Variants in CBFB observed in about 807,000 individuals in gnomAD.
CBFB encodes CBF-beta.
CBFB carries 9 observed loss-of-function variants against 30.4 expected under a neutral mutation model. The ratio of observed to expected loss-of-function variants is 0.30; its 90% CI spans 0.18 to 0.52. CBFB has a LOEUF of 0.52. Ranked by LOEUF, CBFB falls within the 20% of genes least tolerant of loss-of-function variation. CBFB has a pLI of 0.97. For synonymous variants in CBFB, 94 were observed against 84.0 expected (o/e 1.12, Z -0.65); for missense variants, 170 against 244.0 (o/e 0.70, Z 2.02).
chr16:67,064,333 A>T (rs1346721536), intron 3 of CBFB, among the ~76,000 whole-genome samples: 1 of 152,096 alleles, frequency 6.6e-6, no homozygotes, highest in Non-Finnish European at 1.5e-5. Flanking sequence ...CAGCCTCCCA[A>T]GTACCTGGGA....
rs1174524008 is a variant in CBFB, at chr16:67,048,478, A to C, written c.282+11723A>C. On this transcript the variant is annotated intron_variant, in intron 3 of 5. Transcript: ENST00000412916. ...AAAGCTATTTATAAAATATTAAAATAAGATATTACATGAAGTTAAAAATTG... is the reference window on the plus strand; with the variant it reads ...AAAGCTATTTATAAAATATTAAAATCAGATATTACATGAAGTTAAAAATTG... Among the ~76,000 whole-genome samples the C allele has an allele frequency of 2.0e-5, 3 of 152,068 alleles. No individual in the cohort carries two copies. In the East Asian group the frequency reaches 5.8e-4, roughly 29 times the overall value.
chr16:67,040,895 C>T (rs1459246657), intron 3 of CBFB, among the ~76,000 whole-genome samples: 1 of 152,038 alleles, frequency 6.6e-6, no homozygotes, highest in African/African-American at 2.4e-5. Flanking sequence ...AGAGATGTTC[C>T]GGACAAAGGA....
Position 67,100,200 on chromosome 16 carries a change from CATT to C in CBFB, c.*1426_*1428del, listed in dbSNP as rs1423042826. 4.7e-6 allele frequency: 1 copy of C among 212,432 alleles called. No individual in the cohort carries two copies. Among genetic ancestry groups the C allele is most frequent in the African/African-American group, 2.3e-5 (1 of 44,130 alleles). 13.2% of individuals were successfully genotyped at this position (212,432 alleles called of 1,614,324 possible). The stretch of plus-strand genomic sequence containing the variant: ...AAAAATGTATTTTATCATTAAATGG[CATT>C]ATTTTAAAGGGTGAAAAACTGACAC... On this transcript the variant is annotated 3_prime_UTR_variant, in exon 6 of 6. Transcript: ENST00000412916.
chr16:67,083,660 A>G (rs1961634024), intron 5 of CBFB, among the ~76,000 whole-genome samples: 1 of 151,964 alleles, frequency 6.6e-6, no homozygotes, highest in African/African-American at 2.4e-5. Context: ...CACCCATTGA[A>G]GTTTAGTCTT....
At chr16:67,039,650 T>C (rs553996017) in intron 3 of CBFB, among the ~76,000 whole-genome samples, 1 of 151,498 alleles carries the variant, frequency 6.6e-6, no homozygotes, top group Non-Finnish European at 1.5e-5. Context: ...TTTAATTCTA[T>C]TAGGAAGAGT....
At chr16:67,078,125 A>G (rs1366740548) in intron 4 of CBFB, among the ~76,000 whole-genome samples, 1 of 152,196 alleles carries the variant, frequency 6.6e-6, no homozygotes, top group African/African-American at 2.4e-5. Context: ...CTGTCCTTGA[A>G]AGGGAGGTGT....
At position 67,054,930 on chromosome 16, in the gene CBFB, A is replaced by ATT. The variant is rs751572190; in HGVS notation, c.283-11736_283-11735dup. Reference sequence around the variant, plus strand: ...CCACCACGCCTGGCTAATTTTTTGTATTTTTTTTTTTTTTTTTAGTAGAGA... The same window carrying ATT: ...CCACCACGCCTGGCTAATTTTTTGTATTTTTTTTTTTTTTTTTTTAGTAGAGA... On this transcript the variant is annotated intron_variant, in intron 3 of 5. Coordinates refer to ENST00000412916, the MANE Select transcript of CBFB (RefSeq NM_022845.3). Among the ~76,000 whole-genome samples the ATT allele has an allele frequency of 7.7e-4, 94 of 122,744 alleles. 1 individual carries two copies. Among genetic ancestry groups the ATT allele is most frequent in the African/African-American group, 1.9e-3 (70 of 35,902 alleles). 80.5% of individuals were successfully genotyped at this position (122,744 alleles called of 152,430 possible). A position where few individuals can be genotyped will look rare whatever the true frequency, so the allele number is the denominator to read the frequency against.
chr16:67,092,824 T>C lies in CBFB; in HGVS notation c.496-5886T>C, dbSNP rs1489556045. 2.0e-5 allele frequency among the ~76,000 whole-genome samples: 3 copies of C among 147,810 alleles called. No individual in the cohort carries two copies. In the East Asian group the frequency reaches 6.4e-4, roughly 32 times the overall value. On this transcript the variant is annotated intron_variant, in intron 5 of 5. Coordinates refer to ENST00000412916, the MANE Select transcript of CBFB (RefSeq NM_022845.3). The stretch of plus-strand genomic sequence containing the variant: ...GCCTCCTGGGTTCAGGCGATTCTCC[T>C]GCCTCAGCCTCCCGAGTAGCTGGGA...
At chr16:67,078,303 T>G (rs1206318162) in intron 4 of CBFB, among the ~76,000 whole-genome samples, 1 of 152,136 alleles carries the variant, frequency 6.6e-6, no homozygotes, top group Non-Finnish European at 1.5e-5. Flanking sequence ...ATCCCAGCAC[T>G]TTGGGAGGTT....
At chr16:67,092,816 G>A (rs191787258) in intron 5 of CBFB, among the ~76,000 whole-genome samples, 46 of 143,584 alleles carry the variant, frequency 3.2e-4, no homozygotes, top group African/African-American at 9.9e-4. Flanking sequence ...GGGTTCAGGC[G>A]ATTCTCCTGC....
At chr16:67,071,587 G>A (rs1467522386) in intron 4 of CBFB, among the ~76,000 whole-genome samples, 1 of 152,154 alleles carries the variant, frequency 6.6e-6, no homozygotes, top group Admixed American at 6.5e-5. Context: ...TCCATTTATG[G>A]TATTTTAGTA....
intron 3 of CBFB, among the ~76,000 whole-genome samples, chr16:67,047,689 A>AT (rs539196435): frequency 6.7e-4 from 101 of 150,178 alleles, no homozygotes; most frequent in Non-Finnish European, 1.2e-3. Flanking sequence ...AACCCTTTAA[A>AT]TTTTTTTTTT....
At chr16:67,093,378 T>TG (rs1323806897) in intron 5 of CBFB, 1 of 147,774 alleles carries the variant, frequency 6.8e-6, no homozygotes, top group Non-Finnish European at 1.5e-5. Flanking sequence ...GTTTTTTTTT[T>TG]TTTTTTTTTT....
At chr16:67,063,900 C>T (rs1404862223) in intron 3 of CBFB, among the ~76,000 whole-genome samples, 1 of 152,076 alleles carries the variant, frequency 6.6e-6, no homozygotes, top group Non-Finnish European at 1.5e-5. Flanking sequence ...AAAGATGCTT[C>T]CAGCTTTTTC....
chr16:67,034,687 C>G (rs1457008078), intron 2 of CBFB, among the ~76,000 whole-genome samples: 3 of 152,130 alleles, frequency 2.0e-5, no homozygotes, highest in Non-Finnish European at 4.4e-5. Context: ...AGTGTCTTAG[C>G]ACAGAACTGA....
chr16:67,069,428 A>AC (rs1425009526), intron 4 of CBFB, among the ~76,000 whole-genome samples: 1 of 152,146 alleles, frequency 6.6e-6, no homozygotes, highest in African/African-American at 2.4e-5. Context: ...AAGTTCACAG[A>AC]CTAAATGGTA....
In CBFB at chr16:67,029,719, C is replaced by T. The variant is rs760910805; in HGVS notation, c.79-8C>T. On this transcript the variant is annotated splice_polypyrimidine_tract_variant and splice_region_variant and intron_variant, in intron 1 of 5. Transcript: ENST00000412916. The stretch of plus-strand genomic sequence containing the variant: ...TGGCTCCTGATTTCGGGCCGTCTTG[C>T]CTTGCAGATTAAGTACACGGGCTTC... The T allele has an allele frequency of 1.3e-6, 2 of 1,585,536 alleles. No individual in the cohort carries two copies. The highest frequency in any genetic ancestry group is 1.1e-5 in the South Asian group (1 of 88,152).
At chr16:67,043,069 C>T (rs75032492) in intron 3 of CBFB, among the ~76,000 whole-genome samples, 1 of 152,140 alleles carries the variant, frequency 6.6e-6, no homozygotes, top group Non-Finnish European at 1.5e-5. Flanking sequence ...CTTCAAGTCA[C>T]TTTCATACCT....
intron 4 of CBFB, among the ~76,000 whole-genome samples, chr16:67,079,068 T>C (rs190588650): frequency 4.6e-5 from 7 of 152,336 alleles, no homozygotes; most frequent in South Asian, 4.1e-4. Context: ...CTGGCTTATA[T>C]TATGTCCTGA....
Sources: allele counts gnomAD v4.1 joint callset (sites outside exome capture counted in the v4.1 genomes callset), GRCh38; gene constraint gnomAD v4.1.1; transcripts MANE v1.5; gene names NCBI Gene and HGNC (gene_info 2026-07-23, HGNC 2026-07-21).